The following MDGA2 variants were observed in gnomAD, a reference collection of about 807,000 sequenced individuals.
MDGA2 encodes the protein MAM domain-containing glycosylphosphatidylinositol anchor protein 2.
In MDGA2, 40 loss-of-function variants were observed where a neutral mutation model predicts 117.8. That is an observed-to-expected ratio of 0.34 (90% CI 0.26 to 0.44). MDGA2 has a LOEUF of 0.44. Ranked by LOEUF, MDGA2 falls within the 20% of genes least tolerant of loss-of-function variation. The pLI is 1.00. For missense variants in MDGA2, 1,123 were observed against 1,250.6 expected (o/e 0.90, Z 1.54); for synonymous variants, 452 against 439.0 (o/e 1.03, Z -0.37).
chr14:47,060,287 C>T (rs1889836860), intron 7 of MDGA2, among the ~76,000 whole-genome samples: 2 of 152,026 alleles, frequency 1.3e-5, no homozygotes, highest in Admixed American at 6.6e-5. Flanking sequence ...AACTTCTATT[C>T]TTAAGGAGTA....
At chr14:47,340,745 C>A (rs752940862) in intron 1 of MDGA2, among the ~76,000 whole-genome samples, 1 of 152,180 alleles carries the variant, frequency 6.6e-6, no homozygotes, top group Non-Finnish European at 1.5e-5. Flanking sequence ...TTCCTCTTTT[C>A]TCATAAATCT....
At chr14:47,466,042 ATTAT>A (rs1212722232) in intron 1 of MDGA2, among the ~76,000 whole-genome samples, 1 of 152,146 alleles carries the variant, frequency 6.6e-6, no homozygotes, top group Non-Finnish European at 1.5e-5. Context: ...GCTGGAGGCT[ATTAT>A]GCTCAGCAAA....
chr14:47,101,708 G>A (rs1350799188), intron 5 of MDGA2, among the ~76,000 whole-genome samples: 1 of 152,194 alleles, frequency 6.6e-6, no homozygotes, highest in Non-Finnish European at 1.5e-5. Flanking sequence ...AAAGGATTCA[G>A]ACATCATGCT....
chr14:47,419,369 T>C (rs1406413093), intron 1 of MDGA2, among the ~76,000 whole-genome samples: 1 of 152,166 alleles, frequency 6.6e-6, no homozygotes, highest in Non-Finnish European at 1.5e-5. Context: ...ATATTTATTG[T>C]AGGCTGATTG....
chr14:47,140,908 A>G lies in MDGA2; in HGVS notation c.792+3170T>C, dbSNP rs574795493. On this transcript the variant is annotated intron_variant, in intron 4 of 16. Coordinates refer to ENST00000399232, the MANE Select transcript of MDGA2 (RefSeq NM_001113498.3). ...AAAATATTTGCAAACTATGCATTTG[A>G]TAAGAGGTTAATATCTAGAAAATAC... is the stretch of plus-strand genomic sequence containing the variant. Among the ~76,000 whole-genome samples the G allele has an allele frequency of 2.6e-5, 4 of 152,276 alleles. No individual in the cohort carries two copies. In the East Asian group the frequency reaches 7.7e-4, roughly 29 times the overall value.
chr14:47,468,662 GTT>G (rs5808401), intron 1 of MDGA2, among the ~76,000 whole-genome samples: 3 of 150,878 alleles, frequency 2.0e-5, no homozygotes, highest in Admixed American at 6.6e-5. Context: ...TTCTTATGGT[GTT>G]TTTTTTTTGT....
chr14:47,527,930 C>G (rs543945527), intron 1 of MDGA2, among the ~76,000 whole-genome samples: 33 of 152,212 alleles, frequency 2.2e-4, no homozygotes, highest in Admixed American at 1.6e-3. Flanking sequence ...AGTTTTAATG[C>G]TGGAGAAACT....
At chr14:47,309,862 T>G (rs1203279688) in intron 1 of MDGA2, among the ~76,000 whole-genome samples, 1 of 152,114 alleles carries the variant, frequency 6.6e-6, no homozygotes, top group Non-Finnish European at 1.5e-5. Context: ...CAATTTAAAC[T>G]TACATTAAAT....
At chr14:47,535,888 C>T (rs984099924) in intron 1 of MDGA2, among the ~76,000 whole-genome samples, 26 of 152,228 alleles carry the variant, frequency 1.7e-4, no homozygotes, top group African/African-American at 5.8e-4. Flanking sequence ...CCCATGACTG[C>T]CAGTCGGCTG....
intron 1 of MDGA2, among the ~76,000 whole-genome samples, chr14:47,381,524 A>C (rs1891627322): frequency 6.6e-6 from 1 of 152,228 alleles, no homozygotes; most frequent in Non-Finnish European, 1.5e-5. Context: ...CTCAGGATAC[A>C]AAATCAATGT....
intron 14 of MDGA2, among the ~76,000 whole-genome samples, chr14:46,868,824 G>A (rs1881881632): frequency 6.6e-6 from 1 of 151,958 alleles, no homozygotes; most frequent in Non-Finnish European, 1.5e-5. Context: ...ATGTACCTCT[G>A]TATCTGTTTT....
chr14:46,897,587 CT>C (rs1463949204), intron 10 of MDGA2, among the ~76,000 whole-genome samples: 1 of 125,284 alleles, frequency 8.0e-6, no homozygotes, highest in East Asian at 2.3e-4. Context: ...CTATACCTGC[CT>C]CATTGAGTTA....
Position 47,524,294 on chromosome 14 carries a change from A to T in MDGA2, c.280+150223T>A, listed in dbSNP as rs530385871. Among the ~76,000 whole-genome samples, 196 of 152,314 alleles carry T rather than the reference A, an allele frequency of 1.3e-3. 1 individual carries two copies. Among genetic ancestry groups the T allele is most frequent in the Non-Finnish European group, 1.2e-3 (82 of 68,032 alleles). ...AGGATTTTACTTTAATGGCACAGAA[A>T]ATACATTTAAAAATTACTATTAATA... On this transcript the variant is annotated intron_variant, in intron 1 of 16. Coordinates refer to ENST00000399232, the MANE Select transcript of MDGA2 (RefSeq NM_001113498.3).
chr14:47,139,707 G>C (rs541018731), intron 4 of MDGA2, among the ~76,000 whole-genome samples: 88 of 150,258 alleles, frequency 5.9e-4, no homozygotes, highest in Non-Finnish European at 1.1e-3. Context: ...GGAAACAGTA[G>C]TTCAAGAAAT....
intron 2 of MDGA2, among the ~76,000 whole-genome samples, chr14:47,218,452 T>C (rs1886182091): frequency 6.6e-6 from 1 of 152,176 alleles, no homozygotes; most frequent in African/African-American, 2.4e-5. Context: ...TGGAGGGCAA[T>C]ATAAACTATA....
chr14:47,044,713 A>G lies in MDGA2; in HGVS notation c.1526-9409T>C, dbSNP rs146581965. Among the ~76,000 whole-genome samples, 1,213 of 152,342 alleles carry G rather than the reference A, an allele frequency of 8.0e-3. 13 individuals are homozygous for G. The highest frequency in any genetic ancestry group is 0.028 in the African/African-American group (1,159 of 41,576). Reference sequence around the variant, plus strand: ...AAATGCTAACTAAACAGGATTGACAATGTTTACAAATCTAGCAATTGAACA... The same window carrying G: ...AAATGCTAACTAAACAGGATTGACAGTGTTTACAAATCTAGCAATTGAACA... On this transcript the variant is annotated intron_variant, in intron 7 of 16. Transcript: ENST00000399232.
At chr14:47,399,765 TA>T (rs1000014846) in intron 1 of MDGA2, among the ~76,000 whole-genome samples, 1 of 152,072 alleles carries the variant, frequency 6.6e-6, no homozygotes, top group African/African-American at 2.4e-5. Context: ...GTTTTTTTGT[TA>T]AAAAAATGCT....
At chr14:47,619,779 T>G (rs1897016396) in intron 1 of MDGA2, among the ~76,000 whole-genome samples, 1 of 152,246 alleles carries the variant, frequency 6.6e-6, no homozygotes, top group South Asian at 2.1e-4. Context: ...GTCATCCAGT[T>G]GGACACTTTT....
intron 1 of MDGA2, among the ~76,000 whole-genome samples, chr14:47,459,758 T>C (rs769330872): frequency 2.6e-5 from 4 of 152,128 alleles, no homozygotes; most frequent in Admixed American, 1.3e-4. Context: ...ACACTATTAG[T>C]CTTATCAAAA....
Sources: allele counts gnomAD v4.1 joint callset (sites outside exome capture counted in the v4.1 genomes callset), GRCh38; gene constraint gnomAD v4.1.1; transcripts MANE v1.5; gene names NCBI Gene and HGNC (gene_info 2026-07-23, HGNC 2026-07-21).